Variants in PPFIA2 observed in about 807,000 individuals in gnomAD.
PPFIA2 encodes the protein liprin-alpha-2.
Under a neutral mutation model 175.5 loss-of-function variants are expected in PPFIA2, and 46 were observed. The ratio of observed to expected loss-of-function variants is 0.26; its 90% CI spans 0.21 to 0.34. The LOEUF (loss-of-function observed/expected upper bound fraction) is 0.34, where lower values mean the gene tolerates loss of function less well. Ranked by LOEUF, PPFIA2 falls within the 10% of genes least tolerant of loss-of-function variation. The probability of loss-of-function intolerance (pLI) is 1.00; values close to 1 mark genes in which losing one functional copy is unlikely to be tolerated. For synonymous variants in PPFIA2, 568 were observed against 511.4 expected, an observed-to-expected ratio of 1.11 and a Z score of -1.49; for missense variants, 1,179 against 1,506.1, an observed-to-expected ratio of 0.78 and a Z score of 3.60.
intron 4 of PPFIA2, among the ~76,000 whole-genome samples, chr12:81,570,498 A>G (rs895133187): frequency 6.6e-6 from 1 of 152,120 alleles, no homozygotes; most frequent in African/African-American, 2.4e-5. Flanking sequence ...ATTTTTGCCA[A>G]GAGAAGTATA....
At chr12:81,660,203 A>T (rs1203875412) in intron 4 of PPFIA2, among the ~76,000 whole-genome samples, 1 of 152,224 alleles carries the variant, frequency 6.6e-6, no homozygotes, top group Non-Finnish European at 1.5e-5. Context: ...ATGGAGAATG[A>T]CTTTGACGAG....
intron 4 of PPFIA2, among the ~76,000 whole-genome samples, chr12:81,600,889 T>A (rs966021527): frequency 6.6e-6 from 1 of 152,114 alleles, no homozygotes; most frequent in South Asian, 2.1e-4. Flanking sequence ...CTTTTATGTT[T>A]GCCTGTAAAC....
intron 4 of PPFIA2, among the ~76,000 whole-genome samples, chr12:81,538,076 A>G (rs1158249299): frequency 6.6e-6 from 1 of 151,902 alleles, no homozygotes; most frequent in African/African-American, 2.4e-5. Context: ...CTTGGATTGA[A>G]TTGAATCAAA....
intron 4 of PPFIA2, chr12:81,512,161 T>C (rs900080399): frequency 1.1e-5 from 4 of 359,748 alleles, no homozygotes; most frequent in Non-Finnish European, 1.5e-5. Context: ...GTCAGCATGT[T>C]AGCTAACAAT....
intron 4 of PPFIA2, among the ~76,000 whole-genome samples, chr12:81,573,880 T>TA (rs772898714): frequency 6.6e-6 from 1 of 151,894 alleles, no homozygotes; most frequent in Non-Finnish European, 1.5e-5. Flanking sequence ...CTTTGTAACC[T>TA]AAAAACAGCC....
intron 7 of PPFIA2, among the ~76,000 whole-genome samples, chr12:81,427,960 C>A (rs1207778838): frequency 6.6e-6 from 1 of 151,940 alleles, no homozygotes; most frequent in Non-Finnish European, 1.5e-5. Context: ...AATCTTGAAT[C>A]TTCTGACTTA....
At chr12:81,655,892 A>T (rs1596062318) in intron 4 of PPFIA2, among the ~76,000 whole-genome samples, 1 of 151,946 alleles carries the variant, frequency 6.6e-6, no homozygotes, top group Non-Finnish European at 1.5e-5. Context: ...AGGCTTTTCT[A>T]TTCTCCTTTT....
chr12:81,391,010 T>C (rs2040014435), intron 8 of PPFIA2, among the ~76,000 whole-genome samples: 1 of 152,086 alleles, frequency 6.6e-6, no homozygotes, highest in Non-Finnish European at 1.5e-5. Context: ...TCACCTACTT[T>C]GGTGTCAAGT....
intron 4 of PPFIA2, among the ~76,000 whole-genome samples, chr12:81,572,821 T>G (rs765270533): frequency 1.3e-5 from 2 of 151,860 alleles, no homozygotes; most frequent in Non-Finnish European, 2.9e-5. Context: ...CCTGAGATAG[T>G]TGTGTGTTTG....
At chr12:81,427,052 T>C (rs186392002) in intron 7 of PPFIA2, among the ~76,000 whole-genome samples, 26 of 152,286 alleles carry the variant, frequency 1.7e-4, no homozygotes, top group Non-Finnish European at 3.5e-4. Context: ...ATTGAATACA[T>C]GCTTTATTGA....
At chr12:81,661,017 A>C (rs558579183) in intron 4 of PPFIA2, among the ~76,000 whole-genome samples, 1,778 of 152,344 alleles carry the variant, frequency 0.012, 17 homozygotes, top group Non-Finnish European at 0.017. Flanking sequence ...TGTCACCACC[A>C]GGCCTGCACT....
chr12:81,550,418 T>A (rs2067720274), intron 4 of PPFIA2, among the ~76,000 whole-genome samples: 1 of 151,990 alleles, frequency 6.6e-6, no homozygotes, highest in Non-Finnish European at 1.5e-5. Flanking sequence ...AAATAGTAAT[T>A]GGATATCTTT....
intron 4 of PPFIA2, among the ~76,000 whole-genome samples, chr12:81,665,050 G>A (rs942446717): frequency 6.6e-6 from 1 of 151,876 alleles, no homozygotes; most frequent in African/African-American, 2.4e-5. Flanking sequence ...GGTGGGGGCA[G>A]GGGGGAGGGA....
intron 3 of PPFIA2, among the ~76,000 whole-genome samples, chr12:81,709,680 A>G (rs1297122551): frequency 1.3e-5 from 2 of 152,156 alleles, no homozygotes; most frequent in South Asian, 4.1e-4. Flanking sequence ...TAGCAAATTT[A>G]TAACAGCTAT....
intron 4 of PPFIA2, among the ~76,000 whole-genome samples, chr12:81,639,773 C>T (rs1453675455): frequency 6.6e-6 from 1 of 152,074 alleles, no homozygotes; most frequent in East Asian, 1.9e-4. Context: ...TAATATTTCA[C>T]TGTAGAATTT....
intron 4 of PPFIA2, among the ~76,000 whole-genome samples, chr12:81,530,225 T>C (rs914560540): frequency 2.6e-5 from 4 of 151,974 alleles, no homozygotes; most frequent in African/African-American, 7.2e-5. Context: ...GCTCAAAATA[T>C]CAACTGTCTG....
chr12:81,467,987 T>C (rs1173727137), intron 4 of PPFIA2, among the ~76,000 whole-genome samples: 1 of 152,156 alleles, frequency 6.6e-6, no homozygotes, highest in Non-Finnish European at 1.5e-5. Flanking sequence ...ATAATATTAC[T>C]AGAATGAGAA....
At chr12:81,702,202 C>T (rs1466872198) in intron 3 of PPFIA2, among the ~76,000 whole-genome samples, 4 of 151,394 alleles carry the variant, frequency 2.6e-5, no homozygotes, top group Non-Finnish European at 4.5e-5. Context: ...TCTAGTGCCA[C>T]AGCACAGATT....
intron 22 of PPFIA2, among the ~76,000 whole-genome samples, chr12:81,311,011 A>T (rs2050637368): frequency 6.6e-6 from 1 of 152,222 alleles, no homozygotes; most frequent in South Asian, 2.1e-4. Flanking sequence ...TTGATAAAAA[A>T]TAACACTGCT....
Sources: gnomAD v4.1 joint callset for allele counts (sites outside exome capture counted in the v4.1 genomes callset) on GRCh38, gnomAD v4.1.1 for gene constraint, MANE v1.5 for transcripts, NCBI Gene and HGNC (gene_info 2026-07-23, HGNC 2026-07-21) for gene names.